The following EIF4G3 variants were observed in gnomAD, a reference collection of about 807,000 sequenced individuals.
EIF4G3 encodes eIF-4-gamma 3.
A neutral mutation model predicts 186.4 loss-of-function variants in EIF4G3; 34 were observed. The ratio of observed to expected loss-of-function variants is 0.18; its 90% CI spans 0.14 to 0.24. The LOEUF is 0.24. EIF4G3 is among the 10% of genes least tolerant of loss of function. The pLI is 1.00. For missense variants in EIF4G3, 1,536 were observed against 1,948.5 expected (o/e 0.79, Z 3.99); for synonymous variants, 673 against 679.5 (o/e 0.99, Z 0.15).
At position 20,810,974 on chromosome 1, in the gene EIF4G3, G is replaced by C; in HGVS notation, c.4598-90C>G. ...CTTTCTTTTTTCTTTTTTTGAGACA[G>C]AGCCTCACTCTATTGCCCAGGCTGG... On this transcript the variant is annotated intron_variant, in intron 35 of 36. Transcript: ENST00000602326. The surrounding 1 kb of genome is among the most constrained non-coding windows in gnomAD (Gnocchi z 4.1). The C allele has an allele frequency of 3.0e-6, 4 of 1,323,692 alleles. No individual in the cohort carries two copies. Among genetic ancestry groups the C allele is most frequent in the Non-Finnish European group, 4.1e-6 (4 of 970,872 alleles). The allele number at this position is 1,323,692 out of a possible 1,614,324, so 82.0% of individuals were successfully genotyped here.
At chr1:20,998,291 A>G (rs896328772) in intron 6 of EIF4G3, among the ~76,000 whole-genome samples, 1 of 152,016 alleles carries the variant, frequency 6.6e-6, no homozygotes, top group Non-Finnish European at 1.5e-5. Flanking sequence ...ATTTAATACA[A>G]GGCATGTCAA....
intron 17 of EIF4G3, among the ~76,000 whole-genome samples, 199 bp downstream of exon 17, chr1:20,895,169 C>T (rs577193592): frequency 1.3e-5 from 2 of 152,088 alleles, no homozygotes; most frequent in East Asian, 1.9e-4. Flanking sequence ...CCAACATGGG[C>T]CAAATCCCAA....
rs767740107 is a variant in EIF4G3 at position 20,807,268 on chromosome 1, T to A, written c.*51A>T. ...TGATTGGCGAAGACGTGAAACTTTTTAAAAAAATACTTAAATTGTTTCTTT... is the reference window on the plus strand; with the variant it reads ...TGATTGGCGAAGACGTGAAACTTTTAAAAAAAATACTTAAATTGTTTCTTT... On this transcript the variant is annotated 3_prime_UTR_variant, in exon 37 of 37. Coordinates refer to ENST00000602326, the MANE Select transcript of EIF4G3 (RefSeq NM_001391906.1). The A allele has an allele frequency of 2.6e-6, 4 of 1,534,402 alleles. No homozygotes were observed. Among genetic ancestry groups the A allele is most frequent in the Middle Eastern group, 2.1e-4 (1 of 4,800 alleles).
rs917335572 is a variant in EIF4G3 at position 20,981,503 on chromosome 1, C to T, written c.199-276G>A. 4.8e-5 allele frequency among the ~76,000 whole-genome samples: 4 copies of T among 83,780 alleles called. No individual in the cohort carries two copies. In the South Asian group the frequency reaches 9.6e-4, roughly 20 times the overall value. The allele number at this position is 83,780 out of a possible 152,430, so 55.0% of individuals were successfully genotyped here. ...ATATATGCATACATACATGTATACG[C>T]ACATACTGTATATATACATACATAC... On this transcript the variant is annotated intron_variant, in intron 8 of 36. Coordinates refer to ENST00000602326, the MANE Select transcript of EIF4G3 (RefSeq NM_001391906.1).
At chr1:20,940,018 C>T (rs2095657860) in intron 14 of EIF4G3, among the ~76,000 whole-genome samples, 1 of 151,908 alleles carries the variant, frequency 6.6e-6, no homozygotes, top group African/African-American at 2.4e-5. Context: ...CCATGCCTGG[C>T]TATTTTTTTT....
At position 20,853,697 on chromosome 1, in the gene EIF4G3, A is replaced by G. The variant is rs537703426; in HGVS notation, c.3434-20T>C. ...AGGCATCTACACATGTCGAGGATTT[A>G]GAAAAAAATACAAATCACATGACTA... is the stretch of plus-strand genomic sequence containing the variant. On this transcript the variant is annotated intron_variant, in intron 26 of 36. Transcript: ENST00000602326. 21 of 1,554,082 alleles carry G rather than the reference A, an allele frequency of 1.4e-5. No individual in the cohort carries two copies. Among genetic ancestry groups the G allele is most frequent in the Admixed American group, 3.3e-5 (2 of 59,776 alleles).
chr1:20,855,025 C>T lies in EIF4G3; in HGVS notation c.3386G>A (p.Gly1129Asp). 6.2e-7 allele frequency: 1 copy of T among 1,613,612 alleles called. No individual in the cohort carries two copies. Among genetic ancestry groups the T allele is most frequent in the Non-Finnish European group, 8.5e-7 (1 of 1,179,698 alleles). ...ACCACTGCTGCCTTTTCCCCAGCTG[C>T]CTAGCTGTGCTTTAGGTACCAGCTG... ...KIQLVPKAQLGSWGKGSSGGA... is the reference protein window; with the variant it reads ...KIQLVPKAQLDSWGKGSSGGA... The change falls in exon 26 of 37, where the codon GGC becomes GAC. Residue 1129 changes from glycine (G) to aspartate (D), a missense_variant. Physicochemically the swap from Gly to Asp is moderately conservative, Grantham distance 94 (BLOSUM62 -1). Coordinates refer to ENST00000602326, the MANE Select transcript of EIF4G3 (RefSeq NM_001391906.1).
At chr1:20,993,039 T>A (rs933280068) in intron 7 of EIF4G3, among the ~76,000 whole-genome samples, 2 of 152,196 alleles carry the variant, frequency 1.3e-5, no homozygotes, top group Non-Finnish European at 2.9e-5. Flanking sequence ...TGACTTAGTA[T>A]TTCTTGTTTT....
intron 12 of EIF4G3, among the ~76,000 whole-genome samples, chr1:20,951,879 T>C (rs984015468): frequency 3.3e-5 from 5 of 152,096 alleles, no homozygotes; most frequent in African/African-American, 1.2e-4. Flanking sequence ...TTCAATCATA[T>C]AAAAGATGGA....
intron 2 of EIF4G3, among the ~76,000 whole-genome samples, chr1:21,174,298 A>C (rs2098055182): frequency 6.6e-6 from 1 of 152,220 alleles, no homozygotes; most frequent in African/African-American, 2.4e-5. Context: ...GTTGCAACCA[A>C]CTCAGAGCTT....
At chr1:20,822,079 T>C (rs545741778) in intron 33 of EIF4G3, among the ~76,000 whole-genome samples, 1 of 152,228 alleles carries the variant, frequency 6.6e-6, no homozygotes, top group East Asian at 1.9e-4. Flanking sequence ...GGATTCACCA[T>C]GTTGGCCAGG....
intron 3 of EIF4G3, among the ~76,000 whole-genome samples, chr1:21,066,163 A>T (rs2095230336): frequency 6.6e-6 from 1 of 152,068 alleles, no homozygotes. Flanking sequence ...AAAATTAATA[A>T]TAACAAATAA....
At position 20,951,557 on chromosome 1, in the gene EIF4G3, C is replaced by A. The variant is rs186039239; in HGVS notation, c.715-1446G>T. ...TCAATAGAAAGGTTCACAGCTAAAA[C>A]TAAAAATACCGATTTTTCAGTTCTA... On this transcript the variant is annotated intron_variant, in intron 12 of 36. Transcript: ENST00000602326. 1.4e-3 allele frequency among the ~76,000 whole-genome samples: 211 copies of A among 152,114 alleles called. 1 individual carries two copies. Among genetic ancestry groups the A allele is most frequent in the African/African-American group, 4.9e-3 (205 of 41,488 alleles).
chr1:20,813,407 A>G (rs2059655587), intron 34 of EIF4G3, among the ~76,000 whole-genome samples, 168 bp from the exon 35 acceptor site: 1 of 150,236 alleles, frequency 6.7e-6, no homozygotes, highest in African/African-American at 2.4e-5. Flanking sequence ...TTAAAAAAAA[A>G]AAAAAAAAAA....
At chr1:21,042,531 G>A (rs2093644077) in intron 4 of EIF4G3, among the ~76,000 whole-genome samples, 1 of 152,082 alleles carries the variant, frequency 6.6e-6, no homozygotes, top group Non-Finnish European at 1.5e-5. Context: ...TATAGTTTGT[G>A]ACTTTTAAGT....
chr1:20,941,532 A>G lies in EIF4G3; in HGVS notation c.1622T>C (p.Leu541Ser), dbSNP rs1484336138. The G allele has an allele frequency of 6.2e-7, 1 of 1,611,902 alleles. No homozygotes were observed. Reference protein sequence around the residue: ...VEADGQTEEILDSQNLNSRRS... With the variant: ...VEADGQTEEISDSQNLNSRRS... Reference sequence around the variant, plus strand: ...TCTTGAATTTAAGTTTTGAGAATCCAAAATCTCTTCTGTTTGCCCATCTGC... The same window carrying G: ...TCTTGAATTTAAGTTTTGAGAATCCGAAATCTCTTCTGTTTGCCCATCTGC... The change falls in exon 14 of 37, where the codon TTG (leucine) becomes TCG (serine). Residue 541 changes from leucine to serine, a missense_variant. Leu to Ser is a moderately radical substitution (Grantham distance 145). Coordinates refer to ENST00000602326, the MANE Select transcript of EIF4G3 (RefSeq NM_001391906.1).
At chr1:21,104,911 C>A (rs531933914) in intron 2 of EIF4G3, among the ~76,000 whole-genome samples, 1 of 152,140 alleles carries the variant, frequency 6.6e-6, no homozygotes, top group Admixed American at 6.5e-5. Flanking sequence ...TCCTTTGCAG[C>A]AACATGGATG....
intron 14 of EIF4G3, among the ~76,000 whole-genome samples, chr1:20,919,743 T>C (rs1179494118): frequency 6.6e-6 from 1 of 152,210 alleles, no homozygotes; most frequent in Non-Finnish European, 1.5e-5. Context: ...TCAGCTATTT[T>C]ACTCTAGCTA....
intron 3 of EIF4G3, among the ~76,000 whole-genome samples, chr1:21,076,760 C>A (rs1033085177): frequency 2.6e-5 from 4 of 152,138 alleles, no homozygotes; most frequent in African/African-American, 7.2e-5. Context: ...GAAACTAGAT[C>A]CCTATCTCTA....
Sources: allele counts gnomAD v4.1 joint callset (sites outside exome capture counted in the v4.1 genomes callset), GRCh38; gene constraint gnomAD v4.1.1; non-coding constraint Gnocchi (gnomAD v3.1); transcripts MANE v1.5; gene names NCBI Gene and HGNC (gene_info 2026-07-23, HGNC 2026-07-21).